The following NEBL variants were observed in gnomAD, a reference collection of about 807,000 sequenced individuals.
NEBL encodes the protein LIM and SH3 protein 2.
A neutral mutation model predicts 140.2 loss-of-function variants in NEBL; 122 were observed. The ratio of observed to expected loss-of-function variants is 0.87; its 90% CI spans 0.75 to 1.01. The LOEUF (loss-of-function observed/expected upper bound fraction) is 1.01, where lower values mean the gene tolerates loss of function less well. Ranked by LOEUF, NEBL falls within the 50% of genes least tolerant of loss-of-function variation. NEBL has a pLI of 0.00. For synonymous variants in NEBL, 436 were observed against 398.9 expected, an observed-to-expected ratio of 1.09 and a Z score of -1.11; for missense variants, 1,365 against 1,231.3, an observed-to-expected ratio of 1.11 and a Z score of -1.62.
chr10:21,284,898 T>C (rs536646120), intron 1 of NEBL, among the ~76,000 whole-genome samples: 1 of 152,310 alleles, frequency 6.6e-6, no homozygotes, highest in South Asian at 2.1e-4. Context: ...TTGTGCATTT[T>C]GTATGAAAAA....
At chr10:20,949,234 G>T (rs1369052198) in intron 4 of NEBL, among the ~76,000 whole-genome samples, 1 of 152,082 alleles carries the variant, frequency 6.6e-6, no homozygotes, top group Non-Finnish European at 1.5e-5. Flanking sequence ...TTCCTAAGTG[G>T]GAGTCATACA....
chr10:20,823,330 CT>C, intron 18 of NEBL, 30 bp from the exon 19 acceptor site: 1 of 1,476,864 alleles, frequency 6.8e-7, no homozygotes. Context: ...ATAACGTTAA[CT>C]TTATTCTATG....
At chr10:20,988,465 G>A (rs753216908) in intron 3 of NEBL, among the ~76,000 whole-genome samples, 3 of 152,114 alleles carry the variant, frequency 2.0e-5, no homozygotes, top group Non-Finnish European at 4.4e-5. Context: ...CCTTGTCTCT[G>A]TTTCAACAGA....
chr10:20,915,538 G>A (rs1260720268), intron 4 of NEBL, among the ~76,000 whole-genome samples: 1 of 151,624 alleles, frequency 6.6e-6, no homozygotes, highest in East Asian at 1.9e-4. Flanking sequence ...AGTTTACTGA[G>A]AATGATGATT....
At chr10:21,114,665 T>A (rs1464666210) in intron 2 of NEBL, among the ~76,000 whole-genome samples, 4 of 152,080 alleles carry the variant, frequency 2.6e-5, no homozygotes, top group Non-Finnish European at 5.9e-5. Context: ...TTCCTAGTAA[T>A]ATTCCTTGCT....
chr10:21,288,196 A>G (rs1281397472), intron 1 of NEBL, among the ~76,000 whole-genome samples: 2 of 152,222 alleles, frequency 1.3e-5, no homozygotes, highest in Non-Finnish European at 2.9e-5. Context: ...CCAGCCGGGC[A>G]TGGTGGCTAA....
chr10:21,198,194 G>A (rs1490660682), intron 3 of NEBL, among the ~76,000 whole-genome samples: 2 of 152,044 alleles, frequency 1.3e-5, no homozygotes, highest in African/African-American at 4.8e-5. Flanking sequence ...TCTGCTGCCT[G>A]GATATTCCTA....
Position 20,787,321 on chromosome 10 carries a change from C to T in NEBL, c.2762-13G>A, listed in dbSNP as rs748494505. ...GGAAGAACAGGTGCTGCATGTTAAA[C>T]ATACACACACACAAAGATTCCTTAA... On this transcript the variant is annotated splice_polypyrimidine_tract_variant and intron_variant, in intron 26 of 27. Coordinates refer to ENST00000377122, the MANE Select transcript of NEBL (RefSeq NM_006393.3). The T allele has an allele frequency of 1.9e-6, 3 of 1,585,488 alleles. No homozygotes were observed. In the South Asian group the frequency reaches 3.4e-5, roughly 18 times the overall value.
intron 21 of NEBL, among the ~76,000 whole-genome samples, chr10:20,815,999 C>A (rs1838688338): frequency 6.6e-6 from 1 of 152,104 alleles, no homozygotes; most frequent in African/African-American, 2.4e-5. Context: ...AACTCCTGGG[C>A]TCAAGTGATC....
intron 4 of NEBL, among the ~76,000 whole-genome samples, chr10:20,942,366 T>TG (rs1834919315): frequency 6.6e-6 from 1 of 152,178 alleles, no homozygotes; most frequent in Non-Finnish European, 1.5e-5. Flanking sequence ...TAAATGGTGC[T>TG]GGGAAAACTG....
At chr10:20,940,602 A>C (rs1589046623) in intron 4 of NEBL, among the ~76,000 whole-genome samples, 1 of 142,328 alleles carries the variant, frequency 7.0e-6, no homozygotes, top group Non-Finnish European at 1.5e-5. Context: ...GAACTGAAGG[A>C]AATAGAGACA....
chr10:21,023,174 T>A (rs1296979356), intron 2 of NEBL, among the ~76,000 whole-genome samples: 1 of 152,230 alleles, frequency 6.6e-6, no homozygotes, highest in Admixed American at 6.5e-5. Context: ...TCAAAATGTA[T>A]TCTGTGGGAT....
intron 4 of NEBL, among the ~76,000 whole-genome samples, chr10:20,937,823 C>A (rs1056160066): frequency 1.3e-5 from 2 of 152,138 alleles, no homozygotes; most frequent in Non-Finnish European, 2.9e-5. Context: ...GTCCTACACC[C>A]ATGGAGCCTC....
intron 2 of NEBL, among the ~76,000 whole-genome samples, chr10:21,036,520 T>G (rs760367595): frequency 2.0e-5 from 3 of 152,098 alleles, no homozygotes; most frequent in Non-Finnish European, 4.4e-5. Flanking sequence ...GGAAGACCCC[T>G]TAGTTGATAG....
At chr10:21,271,772 C>T (rs1188572581) in intron 1 of NEBL, among the ~76,000 whole-genome samples, 4 of 151,892 alleles carry the variant, frequency 2.6e-5, no homozygotes, top group African/African-American at 9.7e-5. Context: ...GTGATCCACC[C>T]GCGTCAGCCT....
intron 4 of NEBL, among the ~76,000 whole-genome samples, chr10:20,882,355 G>A (rs1846093009): frequency 7.5e-6 from 1 of 133,482 alleles, no homozygotes; most frequent in African/African-American, 2.5e-5. Context: ...AAAAGGGGAA[G>A]GGAAAGGGAA....
At chr10:21,030,124 A>G in intron 2 of NEBL, 1 of 471,480 alleles carries the variant, frequency 2.1e-6, no homozygotes, top group Non-Finnish European at 4.1e-6. Flanking sequence ...GAGCTGCTAG[A>G]GAAACAAAAG....
intron 2 of NEBL, among the ~76,000 whole-genome samples, chr10:21,074,643 A>G (rs1835980586): frequency 6.6e-6 from 1 of 151,780 alleles, no homozygotes; most frequent in Admixed American, 6.6e-5. Context: ...AAGCTCGGCT[A>G]ATTTTTTTGT....
chr10:21,043,657 C>T (rs1834370409), intron 2 of NEBL, among the ~76,000 whole-genome samples: 1 of 152,118 alleles, frequency 6.6e-6, no homozygotes, highest in Admixed American at 6.5e-5. Context: ...ATCACCTTTC[C>T]TAGTGAGAGA....
Sources: allele counts gnomAD v4.1 joint callset (sites outside exome capture counted in the v4.1 genomes callset), GRCh38; gene constraint gnomAD v4.1.1; transcripts MANE v1.5; gene names NCBI Gene and HGNC (gene_info 2026-07-23, HGNC 2026-07-21).